The following LHPP variants were observed in gnomAD, a reference collection of about 807,000 sequenced individuals.
LHPP encodes the protein phospholysine phosphohistidine inorganic pyrophosphate phosphatase.
In LHPP, 24 loss-of-function variants were observed where a neutral mutation model predicts 30.3. The observed-to-expected ratio is 0.79, with a 90% CI of 0.57 to 1.11. The LOEUF is 1.11. LHPP is among the 50% of genes most tolerant of loss of function. The pLI, the probability that LHPP is intolerant of heterozygous loss-of-function variation, is 0.00. For missense variants in LHPP, 356 were observed against 367.2 expected (o/e 0.97, Z 0.25); for synonymous variants, 150 against 157.1 (o/e 0.95, Z 0.34).
At position 124,496,868 on chromosome 10, in the gene LHPP, C is replaced by A; in HGVS notation, c.468-93C>A. ...AGCCGCGGCTTGGCTCTGCAGCCAG[C>A]GGGACAGGCCCGGTGCTCAGCTCCC... is the stretch of plus-strand genomic sequence containing the variant. On this transcript the variant is annotated intron_variant, in intron 3 of 6. Transcript: ENST00000368842. This position sits in a 1 kb window ranked among gnomAD's most constrained non-coding sequence, Gnocchi z 4.3. The A allele has an allele frequency of 2.6e-6, 3 of 1,150,940 alleles. No homozygotes were observed. Among genetic ancestry groups the A allele is most frequent in the Non-Finnish European group, 3.8e-6 (3 of 791,888 alleles). 71.3% of individuals were successfully genotyped at this position (1,150,940 alleles called of 1,614,324 possible).
chr10:124,528,840 C>A (rs928215030), intron 6 of LHPP, among the ~76,000 whole-genome samples: 92 of 152,270 alleles, frequency 6.0e-4, no homozygotes, highest in Non-Finnish European at 1.8e-4. Flanking sequence ...TAGGGCTGTT[C>A]TTCCTTCTAG....
At chr10:124,553,711 G>A (rs377722811) in intron 6 of LHPP, among the ~76,000 whole-genome samples, 127 of 152,114 alleles carry the variant, frequency 8.3e-4, no homozygotes, top group Middle Eastern at 3.4e-3. Flanking sequence ...CGCCCGCCTC[G>A]GCCTCCCAAA....
chr10:124,522,285 T>C (rs1472854795), intron 6 of LHPP, among the ~76,000 whole-genome samples: 1 of 152,196 alleles, frequency 6.6e-6, no homozygotes, highest in Non-Finnish European at 1.5e-5. Flanking sequence ...GTTCCCTGCC[T>C]GCCCTGTTCC....
rs545292447 is a variant in LHPP at position 124,484,385 on chromosome 10, G to A, written c.313+59G>A. The A allele has an allele frequency of 3.4e-3, 5,181 of 1,515,084 alleles. 19 individuals are homozygous for A. Among genetic ancestry groups the A allele is most frequent in the Non-Finnish European group, 4.2e-3 (4,614 of 1,102,364 alleles). The allele number at this position is 1,515,084 out of a possible 1,614,324, so 93.9% of individuals were successfully genotyped here. A position where few individuals can be genotyped will look rare whatever the true frequency, so the allele number is the denominator to read the frequency against. On this transcript the variant is annotated intron_variant, in intron 2 of 6. Transcript: ENST00000368842. ...TGAAAGCTCCCCTTTCCCAGGGTGG[G>A]GGCTGTGCAGAGAGCCTCTTTCACT...
rs986398556 is a variant in LHPP, at chr10:124,496,279, C to T, written c.468-682C>T. 6.6e-6 allele frequency among the ~76,000 whole-genome samples: 1 copy of T among 152,164 alleles called. No homozygotes were observed. Among genetic ancestry groups the T allele is most frequent in the Non-Finnish European group, 1.5e-5 (1 of 68,016 alleles). On this transcript the variant is annotated intron_variant, in intron 3 of 6. Coordinates refer to ENST00000368842, the MANE Select transcript of LHPP (RefSeq NM_022126.4). This position sits in a 1 kb window ranked among gnomAD's most constrained non-coding sequence, Gnocchi z 4.3. The stretch of plus-strand genomic sequence containing the variant: ...GAGTGCCTTGAGGCTCAGTGTGACG[C>T]GATCGTAGGGTGAGCCTGGCCGGGC...
chr10:124,554,944 G>T (rs1249610374), intron 6 of LHPP, among the ~76,000 whole-genome samples: 4 of 152,342 alleles, frequency 2.6e-5, no homozygotes, highest in South Asian at 4.1e-4. Flanking sequence ...TAGCCTCTGG[G>T]CTAAACACTG....
chr10:124,471,775 ATATT>A (rs1952787126), intron 1 of LHPP, among the ~76,000 whole-genome samples: 1 of 131,180 alleles, frequency 7.6e-6, no homozygotes, highest in South Asian at 2.4e-4. Context: ...TTATATATAA[ATATT>A]TATGAGAACA....
intron 6 of LHPP, among the ~76,000 whole-genome samples, chr10:124,550,501 G>C (rs1432676971): frequency 6.6e-6 from 1 of 152,248 alleles, no homozygotes; most frequent in African/African-American, 2.4e-5. Context: ...ACGTGTGGGT[G>C]GGGGAGGGTG....
intron 6 of LHPP, among the ~76,000 whole-genome samples, chr10:124,568,799 C>T (rs138047426): frequency 2.0e-4 from 31 of 152,330 alleles, no homozygotes; most frequent in African/African-American, 6.0e-4. Context: ...CCGTTACACA[C>T]GTCACTTCAT....
chr10:124,567,409 C>A (rs1260381473), intron 6 of LHPP, among the ~76,000 whole-genome samples: 2 of 152,266 alleles, frequency 1.3e-5, no homozygotes, highest in African/African-American at 4.8e-5. Context: ...CCCTGGCTGC[C>A]TCTCTCAGCC....
rs561894289 is a variant in LHPP at position 124,559,532 on chromosome 10, G to A, written c.716+42261G>A. On this transcript the variant is annotated intron_variant, in intron 6 of 6. Coordinates refer to ENST00000368842, the MANE Select transcript of LHPP (RefSeq NM_022126.4). ...CCAGCGAAGTCACATCACAAGTTGT[G>A]TGGAAATGGAGGTCACCACCCTGGC... Among the ~76,000 whole-genome samples the A allele has an allele frequency of 3.3e-5, 5 of 152,398 alleles. No homozygotes were observed. In the South Asian group the frequency reaches 1.0e-3, roughly 32 times the overall value.
intron 4 of LHPP, among the ~76,000 whole-genome samples, chr10:124,497,539 G>T (rs552564849): frequency 4.7e-4 from 71 of 152,344 alleles, no homozygotes; most frequent in Non-Finnish European, 7.1e-4. Context: ...GGTCCACTCT[G>T]GCCCAGGTCC....
At chr10:124,606,843 T>C (rs112777228) in intron 6 of LHPP, among the ~76,000 whole-genome samples, 7 of 152,224 alleles carry the variant, frequency 4.6e-5, no homozygotes, top group Non-Finnish European at 8.8e-5. Flanking sequence ...CACAGAACCG[T>C]GGGGGCAGCC....
At chr10:124,484,639 G>A (rs1953262002) in intron 2 of LHPP, among the ~76,000 whole-genome samples, 1 of 150,010 alleles carries the variant, frequency 6.7e-6, no homozygotes, top group African/African-American at 2.5e-5. Context: ...TTGTCAAGGT[G>A]GCGGAGTTCT....
intron 6 of LHPP, among the ~76,000 whole-genome samples, chr10:124,589,734 C>A (rs575807556): frequency 6.6e-6 from 1 of 152,206 alleles, no homozygotes; most frequent in Non-Finnish European, 1.5e-5. Context: ...TATCCCCGGA[C>A]GGACCCGCCT....
chr10:124,484,238 C>A lies in LHPP; in HGVS notation c.225C>A (p.Ile75=). The part of the protein sequence containing the change: ...VGQLQRLGFD[I]SEQEVTAPAP... ...AGCTTCAGAGGCTGGGATTTGACATCTCTGAGCAGGAGGTGACCGCCCCGG... is the reference window on the plus strand; with the variant it reads ...AGCTTCAGAGGCTGGGATTTGACATATCTGAGCAGGAGGTGACCGCCCCGG... Residue 75 remains isoleucine, a synonymous_variant, in exon 2 of 7, where the codon ATC becomes ATA. Transcript: ENST00000368842. The A allele has an allele frequency of 1.2e-6, 2 of 1,614,122 alleles. No homozygotes were observed. The highest frequency in any genetic ancestry group is 1.7e-6 in the Non-Finnish European group (2 of 1,180,016).
chr10:124,492,410 A>G (rs1042209385), intron 3 of LHPP, among the ~76,000 whole-genome samples: 3 of 152,198 alleles, frequency 2.0e-5, no homozygotes, highest in Admixed American at 6.5e-5. Flanking sequence ...GGCGAGTCCA[A>G]AATCTGCAGG....
At chr10:124,544,299 G>A (rs1407204581) in intron 6 of LHPP, among the ~76,000 whole-genome samples, 1 of 152,218 alleles carries the variant, frequency 6.6e-6, no homozygotes, top group African/African-American at 2.4e-5. Context: ...CCCCTCTCTG[G>A]AACCAGGGGT....
chr10:124,464,115 G>T (rs145748197), intron 1 of LHPP, among the ~76,000 whole-genome samples: 241 of 152,318 alleles, frequency 1.6e-3, no homozygotes, highest in African/African-American at 5.3e-3. Context: ...ACTGTGGCCA[G>T]CCAGAAGGAC....
Sources: gnomAD v4.1 joint callset for allele counts (sites outside exome capture counted in the v4.1 genomes callset) on GRCh38, gnomAD v4.1.1 for gene constraint, Gnocchi (gnomAD v3.1) non-coding constraint, MANE v1.5 for transcripts, NCBI Gene and HGNC (gene_info 2026-07-23, HGNC 2026-07-21) for gene names.